The following CCDC88C variants were observed in gnomAD, a reference collection of about 807,000 sequenced individuals.
CCDC88C encodes coiled-coil and HOOK domain protein 88C.
In CCDC88C, 131 loss-of-function variants were observed where a neutral mutation model predicts 198.8. The observed-to-expected ratio is 0.66, with a 90% confidence interval of 0.57 to 0.76. CCDC88C has a LOEUF of 0.76. CCDC88C is among the 30% of genes least tolerant of loss of function. The pLI, the probability that CCDC88C is intolerant of heterozygous loss-of-function variation, is 0.00. For synonymous variants in CCDC88C, 1,166 were observed against 1,114.7 expected, an observed-to-expected ratio of 1.05 and a Z score of -0.92; for missense variants, 2,553 against 2,631.6, an observed-to-expected ratio of 0.97 and a Z score of 0.65.
intron 5 of CCDC88C, among the ~76,000 whole-genome samples, chr14:91,342,931 A>G (rs1596091409): frequency 6.6e-6 from 1 of 152,286 alleles, no homozygotes; most frequent in Middle Eastern, 3.4e-3. Context: ...CACAGACAAT[A>G]TGTAAAGGTG....
At chr14:91,384,523 CCTT>C (rs1280553482) in intron 3 of CCDC88C, 5 of 515,144 alleles carry the variant, frequency 9.7e-6, no homozygotes, top group African/African-American at 7.8e-5. Context: ...TGCTTCTTCA[CCTT>C]CTTCATCATA....
chr14:91,324,212 C>T (rs1285592576), intron 12 of CCDC88C, among the ~76,000 whole-genome samples: 3 of 152,186 alleles, frequency 2.0e-5, no homozygotes, highest in African/African-American at 2.4e-5. Flanking sequence ...CCTCTCGGGG[C>T]GCGGGGCAGT....
chr14:91,331,891 A>G (rs1226049143), intron 10 of CCDC88C, among the ~76,000 whole-genome samples: 3 of 151,298 alleles, frequency 2.0e-5, no homozygotes, highest in Non-Finnish European at 4.4e-5. Flanking sequence ...GCCCCTGGGT[A>G]TACACTGTGC....
Position 91,397,327 on chromosome 14 carries a change from C to T in CCDC88C, c.270+11332G>A, listed in dbSNP as rs1159061034. 3.3e-5 allele frequency among the ~76,000 whole-genome samples: 5 copies of T among 152,264 alleles called. No homozygotes were observed. In the East Asian group the frequency reaches 5.8e-4, roughly 18 times the overall value. ...AGACTCCTGAGCCAAACCTCCTTCC[C>T]GCAAAGGCTGAGGAAATGATGGCCG... On this transcript the variant is annotated intron_variant, in intron 3 of 29. Transcript: ENST00000389857.
intron 3 of CCDC88C, among the ~76,000 whole-genome samples, chr14:91,401,239 T>C (rs1886156292): frequency 7.0e-6 from 1 of 143,058 alleles, no homozygotes; most frequent in South Asian, 2.1e-4. Context: ...TATATATTTA[T>C]ATATTATATA....
Position 91,283,425 on chromosome 14 carries a change from G to T in CCDC88C, c.4534C>A (p.Pro1512Thr), listed in dbSNP as rs1340485288. The T allele has an allele frequency of 9.9e-6, 16 of 1,613,642 alleles. No homozygotes were observed. The highest frequency in any genetic ancestry group is 1.3e-5 in the Non-Finnish European group (15 of 1,179,788). The change falls in exon 26 of 30, where the codon CCC (proline) becomes ACC (threonine). Residue 1512 changes from proline (P) to threonine (T), a missense_variant. Physicochemically the swap from Pro to Thr is conservative, Grantham distance 38. Transcript: ENST00000389857. ...CAAGTCCGGGAGCCCAGCTCCGAGG[G>T]CCAGGACCTCATGGCCAGATCGGTG... The part of the protein sequence containing the change: ...ASTDLAMRSW[P>T]SELGSRTCST...
intron 3 of CCDC88C, among the ~76,000 whole-genome samples, chr14:91,368,171 G>T (rs1198506030): frequency 2.0e-5 from 3 of 152,188 alleles, no homozygotes; most frequent in African/African-American, 4.8e-5. Context: ...TCTCTTCCAT[G>T]TTGACAAGGG....
At chr14:91,353,102 T>C (rs915809107) in intron 4 of CCDC88C, among the ~76,000 whole-genome samples, 2 of 152,178 alleles carry the variant, frequency 1.3e-5, no homozygotes, top group Non-Finnish European at 2.9e-5. Flanking sequence ...GGGTTAAATA[T>C]TAAATTCCAA....
In CCDC88C at chr14:91,272,680, G is replaced by T; in HGVS notation, c.6032C>A (p.Ser2011Tyr). ...RGSVSKSSPA[S>Y]PEPGGDPQTV... ...CTGCGGATCCCCGCCGGGCTCCGGG[G>T]AGGCCGGACTGCTCTTTGAGACGCT... Residue 2011 changes from serine (S) to tyrosine (Y), a missense_variant, in exon 30 of 30, where the codon TCC (serine) becomes TAC (tyrosine). Physicochemically the swap from Ser to Tyr is moderately radical, Grantham distance 144. Transcript: ENST00000389857. 1.9e-6 allele frequency: 3 copies of T among 1,611,744 alleles called. No individual in the cohort carries two copies.
intron 3 of CCDC88C, among the ~76,000 whole-genome samples, chr14:91,360,942 T>TC (rs1207209377): frequency 3.3e-5 from 5 of 151,864 alleles, no homozygotes; most frequent in African/African-American, 1.2e-4. Flanking sequence ...AGCCTGGAGT[T>TC]CAAGACAAGC....
chr14:91,304,933 C>T (rs142819676), intron 19 of CCDC88C, among the ~76,000 whole-genome samples: 1 of 152,162 alleles, frequency 6.6e-6, no homozygotes, highest in African/African-American at 2.4e-5. Context: ...TACATATTTT[C>T]AAACTTTTCT....
intron 3 of CCDC88C, among the ~76,000 whole-genome samples, chr14:91,402,501 CTGTG>C (rs148212623): frequency 2.0e-4 from 31 of 151,856 alleles, no homozygotes; most frequent in African/African-American, 5.8e-4. Context: ...TCACACAAAG[CTGTG>C]TGTGTGTGTA....
At chr14:91,360,764 A>C (rs567995076) in intron 3 of CCDC88C, among the ~76,000 whole-genome samples, 28 of 152,336 alleles carry the variant, frequency 1.8e-4, no homozygotes, top group African/African-American at 6.5e-4. Context: ...CTCACAGCCC[A>C]GTCTACCACT....
At chr14:91,409,295 C>A (rs144990557) in intron 2 of CCDC88C, among the ~76,000 whole-genome samples, 30 of 151,664 alleles carry the variant, frequency 2.0e-4, no homozygotes, top group African/African-American at 6.8e-4. Flanking sequence ...CTCAAGGGAT[C>A]TTCCTGTCTC....
chr14:91,332,832 C>G (rs1567081801), intron 10 of CCDC88C, among the ~76,000 whole-genome samples: 1 of 152,182 alleles, frequency 6.6e-6, no homozygotes, highest in Non-Finnish European at 1.5e-5. Context: ...TACCAAGTGC[C>G]TTGTGTGTGC....
chr14:91,384,506 C>A, intron 3 of CCDC88C: 1 of 523,218 alleles, frequency 1.9e-6, no homozygotes, highest in Non-Finnish European at 3.9e-6. Context: ...TCTTCCCCTT[C>A]CTCATCTGCT....
chr14:91,377,216 C>T (rs1424102808), intron 3 of CCDC88C, among the ~76,000 whole-genome samples: 7 of 152,206 alleles, frequency 4.6e-5, no homozygotes, highest in African/African-American at 1.4e-4. Context: ...TTGCCAGGGA[C>T]AGGGCATGGG....
chr14:91,289,101 CT>C lies in CCDC88C; in HGVS notation c.4441+3del. 1 of 1,610,746 alleles carries C rather than the reference CT, an allele frequency of 6.2e-7. No homozygotes were observed. The highest frequency in any genetic ancestry group is 8.5e-7 in the Non-Finnish European group (1 of 1,179,438). ...CCGACCACGGCCAGGACGGCCGCCC[CT>C]ACCTTTCCCCACAGACCCGTTGTGG... On this transcript the variant is annotated splice_donor_region_variant and intron_variant, in intron 25 of 29. Transcript: ENST00000389857.
At chr14:91,362,361 T>C (rs1300506225) in intron 3 of CCDC88C, among the ~76,000 whole-genome samples, 1 of 152,206 alleles carries the variant, frequency 6.6e-6, no homozygotes, top group Non-Finnish European at 1.5e-5. Context: ...CTGCCATTTG[T>C]CCAAGCTCAG....
Sources: allele counts gnomAD v4.1 joint callset (sites outside exome capture counted in the v4.1 genomes callset), GRCh38; gene constraint gnomAD v4.1.1; transcripts MANE v1.5; gene names NCBI Gene and HGNC (gene_info 2026-07-23, HGNC 2026-07-21).